Variants in NLRP4 observed in about 807,000 individuals in gnomAD.
NLRP4 encodes NACHT, LRR and PYD domains-containing protein 4.
NLRP4 carries 44 observed loss-of-function variants against 84.7 expected under a neutral mutation model. That is an observed-to-expected ratio of 0.52 (90% CI 0.41 to 0.67). NLRP4 has a LOEUF of 0.67. NLRP4 is among the 30% of genes least tolerant of loss of function. NLRP4 has a pLI of 0.00. For missense variants in NLRP4, 1,260 were observed against 1,219.4 expected (o/e 1.03, Z -0.50); for synonymous variants, 544 against 476.4 (o/e 1.14, Z -1.85).
chr19:55,877,262 C>A, intron 8 of NLRP4, 96 bp downstream of exon 8: 4 of 1,121,374 alleles, frequency 3.6e-6, no homozygotes, highest in South Asian at 1.4e-5. Flanking sequence ...AACAGGACCA[C>A]ATAGCAGCTA....
chr19:55,844,609 A>G lies in NLRP4; in HGVS notation c.-65-7407A>G, dbSNP rs796510659. ...CTCTTTCAATAAGGTCACCAATTAT[A>G]TTGGATCGGGGGCCCACCCTGCTTT... On this transcript the variant is annotated intron_variant, in intron 1 of 9. Coordinates refer to ENST00000301295, the MANE Select transcript of NLRP4 (RefSeq NM_134444.5). 2.5e-4 allele frequency among the ~76,000 whole-genome samples: 38 copies of G among 152,246 alleles called. 1 individual carries two copies. Among genetic ancestry groups the G allele is most frequent in the African/African-American group, 8.9e-4 (37 of 41,550 alleles).
intron 1 of NLRP4, among the ~76,000 whole-genome samples, chr19:55,841,721 C>G (rs544008163): frequency 6.6e-6 from 1 of 151,860 alleles, no homozygotes; most frequent in Non-Finnish European, 1.5e-5. Context: ...AAAAGTTAGC[C>G]GGGCATGGTG....
intron 1 of NLRP4, among the ~76,000 whole-genome samples, chr19:55,842,021 A>C (rs1983631505): frequency 6.6e-6 from 1 of 152,222 alleles, no homozygotes; most frequent in Non-Finnish European, 1.5e-5. Context: ...ACTGTTTTCC[A>C]TAGTGGTTCT....
At chr19:55,843,624 G>T (rs1983692998) in intron 1 of NLRP4, among the ~76,000 whole-genome samples, 1 of 151,920 alleles carries the variant, frequency 6.6e-6, no homozygotes, top group Non-Finnish European at 1.5e-5. Context: ...CCTGGGAGGT[G>T]GAGTTTGCAG....
rs375823093 is a variant in NLRP4, at chr19:55,866,995, G to T, written c.2187-714G>T. Among the ~76,000 whole-genome samples, 274 of 151,470 alleles carry T rather than the reference G, an allele frequency of 1.8e-3. 2 individuals are homozygous for T. Among genetic ancestry groups the T allele is most frequent in the African/African-American group, 6.5e-3 (270 of 41,280 alleles). On this transcript the variant is annotated intron_variant, in intron 5 of 9. Coordinates refer to ENST00000301295, the MANE Select transcript of NLRP4 (RefSeq NM_134444.5). ...AGCATGCATATAACTGACACTGTGC[G>T]TCTCAGGTTGGCTGTCTCTGTACCC...
At chr19:55,857,616 T>C (rs778743005) in intron 2 of NLRP4, 58 bp from the exon 3 acceptor site, 1 of 1,524,376 alleles carries the variant, frequency 6.6e-7, no homozygotes, top group East Asian at 2.2e-5. Context: ...AAAAAAAGAA[T>C]ATATGCAGGA....
At position 55,859,186 on chromosome 19, in the gene NLRP4, G is replaced by A. The variant is rs1435882765; in HGVS notation, c.1793G>A (p.Ser598Asn). The A allele has an allele frequency of 2.5e-6, 4 of 1,610,744 alleles. No individual in the cohort carries two copies. The South Asian group carries it at 3.3e-5, about 13-fold the overall frequency. ...GCCTACTGCTTAAAATACTGCTCCA[G>A]CTTGAGGAAACTCTGTTTTTCCGTT... ...VSAYCLKYCS[S>N]LRKLCFSVQN... The change falls in exon 3 of 10, where the codon AGC becomes AAC. Residue 598 changes from serine (S) to asparagine (N), a missense_variant. Ser to Asn is a conservative substitution (Grantham distance 46, BLOSUM62 1). Around this residue, in one of 3 missense-constraint regions of NLRP4, gnomAD observed 544 missense variants for 531.7 expected, o/e 1.02. Transcript: ENST00000301295.
At chr19:55,859,824 G>A (rs1327805992) in intron 3 of NLRP4, among the ~76,000 whole-genome samples, 2 of 150,280 alleles carry the variant, frequency 1.3e-5, no homozygotes, top group African/African-American at 2.4e-5. Context: ...CTACTTGGGA[G>A]GCTGAGGCCG....
intron 2 of NLRP4, 86 bp downstream of exon 2, chr19:55,852,446 G>T: frequency 1.3e-6 from 1 of 789,976 alleles, no homozygotes; most frequent in Admixed American, 2.7e-5. Context: ...GTCTACAACA[G>T]GACCTGAATG....
At chr19:55,845,947 C>T (rs892108114) in intron 1 of NLRP4, among the ~76,000 whole-genome samples, 7 of 151,420 alleles carry the variant, frequency 4.6e-5, no homozygotes, top group South Asian at 2.1e-4. Context: ...GAGTAGGTTG[C>T]GAAAATTTTC....
At position 55,881,670 on chromosome 19, in the gene NLRP4, G is replaced by A. The variant is rs1985598627; in HGVS notation, c.*83G>A. On this transcript the variant is annotated 3_prime_UTR_variant, in exon 10 of 10. Transcript: ENST00000301295. ...TACTTACATGACACTGCACCCAGGAGATACAAATCATTGATACTCTGAGTT... is the reference window on the plus strand; with the variant it reads ...TACTTACATGACACTGCACCCAGGAAATACAAATCATTGATACTCTGAGTT... The A allele has an allele frequency of 1.5e-6, 1 of 669,292 alleles. No individual in the cohort carries two copies. The highest frequency in any genetic ancestry group is 2.7e-5 in the East Asian group (1 of 37,514). The allele number at this position is 669,292 out of a possible 1,614,324, so 41.5% of individuals were successfully genotyped here.
In NLRP4 at chr19:55,858,148, T is replaced by A. The variant is rs899335856; in HGVS notation, c.755T>A (p.Met252Lys). ...GATTCGGATCTGTGTGGTGACTTGA[T>A]GGAGAAACGGCCGGTGCAGGTGCTT... ...EPDSDLCGDL[M>K]EKRPVQVLLS... The change falls in exon 3 of 10, where the codon ATG becomes AAG. Residue 252 changes from methionine (M) to lysine (K), a missense_variant. Transcript: ENST00000301295. The surrounding 1 kb of genome is among the most constrained non-coding windows in gnomAD (Gnocchi z 4.2). 2.5e-6 allele frequency: 4 copies of A among 1,613,964 alleles called. No homozygotes were observed. Among genetic ancestry groups the A allele is most frequent in the Non-Finnish European group, 3.4e-6 (4 of 1,180,012 alleles).
chr19:55,852,794 T>G (rs575210582), intron 2 of NLRP4, among the ~76,000 whole-genome samples: 1 of 152,146 alleles, frequency 6.6e-6, no homozygotes, highest in Non-Finnish European at 1.5e-5. Flanking sequence ...ATTGTCCTTG[T>G]AGGCAGGAAA....
chr19:55,853,372 G>A (rs1445528519), intron 2 of NLRP4, among the ~76,000 whole-genome samples: 2 of 152,026 alleles, frequency 1.3e-5, no homozygotes, highest in Non-Finnish European at 2.9e-5. Context: ...TTATTCTTCT[G>A]GGACTCCAGT....
At chr19:55,850,862 G>A (rs549205207) in intron 1 of NLRP4, among the ~76,000 whole-genome samples, 34 of 79,948 alleles carry the variant, frequency 4.3e-4, no homozygotes, top group Non-Finnish European at 6.3e-4. Context: ...AGGCTGCGGT[G>A]TAATTTACGA....
Position 55,867,773 on chromosome 19 carries a change from A to G in NLRP4, c.2251A>G (p.Lys751Glu). The change falls in exon 6 of 10, where the codon AAG becomes GAG. Residue 751 changes from lysine (K) to glutamate (E), a missense_variant. Transcript: ENST00000301295. ...EVLAGLLTNN[K>E]KLTYLNVSCN... ...CCTTGCTGGCCTTCTAACCAACAACAAGAAGCTGACGTATCTGAATGTATC... is the reference window on the plus strand; with the variant it reads ...CCTTGCTGGCCTTCTAACCAACAACGAGAAGCTGACGTATCTGAATGTATC... The G allele has an allele frequency of 6.2e-7, 1 of 1,614,150 alleles. No homozygotes were observed. The highest frequency in any genetic ancestry group is 1.1e-5 in the South Asian group (1 of 91,084).
chr19:55,874,166 A>G (rs1183489742), intron 7 of NLRP4, among the ~76,000 whole-genome samples: 1 of 150,618 alleles, frequency 6.6e-6, no homozygotes, highest in African/African-American at 2.4e-5. Flanking sequence ...TCAAGTAGCC[A>G]TATTAAAAGT....
intron 5 of NLRP4, 90 bp from the exon 6 acceptor site, chr19:55,867,619 T>C: frequency 8.4e-7 from 1 of 1,190,318 alleles, no homozygotes; most frequent in Non-Finnish European, 1.2e-6. Context: ...GGACAGCAAA[T>C]GTGGGCTTCC....
intron 6 of NLRP4, 148 bp downstream of exon 6, chr19:55,868,024 G>C: frequency 2.8e-6 from 2 of 713,184 alleles, no homozygotes; most frequent in East Asian, 5.3e-5. Context: ...TTGAGTTCTA[G>C]TTCAGGATTT....
Sources: gnomAD v4.1 joint callset for allele counts (sites outside exome capture counted in the v4.1 genomes callset) on GRCh38, gnomAD v4.1.1 for gene constraint, gnomAD v4.1.1 regional missense constraint, Gnocchi (gnomAD v3.1) non-coding constraint, MANE v1.5 for transcripts, NCBI Gene and HGNC (gene_info 2026-07-23, HGNC 2026-07-21) for gene names.